The following PLIN2 variants were observed in gnomAD, a reference collection of about 807,000 sequenced individuals.
PLIN2 encodes the protein perilipin-2.
Under a neutral mutation model 30.6 loss-of-function variants are expected in PLIN2, and 33 were observed. That is an observed-to-expected ratio of 1.08 (90% CI 0.82 to 1.44). The LOEUF is 1.44. PLIN2 is among the 40% of genes most tolerant of loss of function. The pLI is 0.00. For synonymous variants in PLIN2, 205 were observed against 201.1 expected, an observed-to-expected ratio of 1.02 and a Z score of -0.16; for missense variants, 610 against 531.8, an observed-to-expected ratio of 1.15 and a Z score of -1.45.
intron 6 of PLIN2, among the ~76,000 whole-genome samples, chr9:19,118,806 C>T (rs1818269930): frequency 6.6e-6 from 1 of 152,170 alleles, no homozygotes; most frequent in Non-Finnish European, 1.5e-5. Context: ...CCTTCTCGTG[C>T]CTTAGCCTAC....
chr9:19,125,765 A>G (rs1265709501), intron 3 of PLIN2: 3 of 185,822 alleles, frequency 1.6e-5, no homozygotes, highest in South Asian at 2.4e-4. Context: ...TCTACTAAAA[A>G]TACAAAAATT....
At position 19,121,138 on chromosome 9, in the gene PLIN2, T is replaced by C. The variant is rs1388101101; in HGVS notation, c.337A>G (p.Thr113Ala). The C allele has an allele frequency of 6.2e-7, 1 of 1,614,082 alleles. No individual in the cohort carries two copies. The highest frequency in any genetic ancestry group is 1.7e-5 in the Admixed American group (1 of 60,012). The change falls in exon 5 of 8, where the codon ACT becomes GCT. Residue 113 changes from threonine to alanine, a missense_variant. By Grantham distance (58) the Thr-to-Ala change is moderately conservative. Coordinates refer to ENST00000276914, the MANE Select transcript of PLIN2 (RefSeq NM_001122.4). Reference sequence around the variant, plus strand: ...GTCGTCACAGCATCTTTTGCCCCAGTCACAGCGCCTTTGGCATTGGCAACA... The same window carrying C: ...GTCGTCACAGCATCTTTTGCCCCAGCCACAGCGCCTTTGGCATTGGCAACA... The part of the protein sequence containing the change: ...QIVANAKGAV[T>A]GAKDAVTTTV...
At chr9:19,109,337 G>A (rs780344637) in intron 2 of PLIN2, among the ~76,000 whole-genome samples, 3 of 151,824 alleles carry the variant, frequency 2.0e-5, no homozygotes, top group Non-Finnish European at 2.9e-5. Flanking sequence ...GGAGGATCAC[G>A]AGGTTGGGAG....
intron 5 of PLIN2, 68 bp downstream of exon 5, chr9:19,120,808 GAGTA>G: frequency 8.4e-7 from 1 of 1,195,072 alleles, no homozygotes; most frequent in Non-Finnish European, 1.2e-6. Context: ...CTCAAGATGA[GAGTA>G]TATGTCAATG....
rs2131176620 is a variant in PLIN2, at chr9:19,116,554, T to C, written c.1008A>G (p.Pro336=). 6.2e-7 allele frequency: 1 copy of C among 1,614,178 alleles called. No individual in the cohort carries two copies. The highest frequency in any genetic ancestry group is 8.5e-7 in the Non-Finnish European group (1 of 1,180,038). Residue 336 remains proline, a synonymous_variant, in exon 8 of 8, where the codon CCA becomes CCG. Coordinates refer to ENST00000276914, the MANE Select transcript of PLIN2 (RefSeq NM_001122.4). Reference sequence around the variant, plus strand: ...GCTTGGCTTGATCTTGGATGTTCTGTGGTACACCTTGGATGTTGGACAGGA... The same window carrying C: ...GCTTGGCTTGATCTTGGATGTTCTGCGGTACACCTTGGATGTTGGACAGGA... ...HTLLSNIQGV[P]QNIQDQAKHM...
intron 7 of PLIN2, among the ~76,000 whole-genome samples, chr9:19,116,851 T>A (rs535650997): frequency 6.6e-6 from 1 of 152,296 alleles, no homozygotes; most frequent in East Asian, 1.9e-4. Context: ...ATGGCTTCAG[T>A]TAACAACTGG....
downstream of PLIN2, chr9:19,115,708 G>C (rs1440449755): frequency 6.6e-6 from 1 of 152,620 alleles, no homozygotes; most frequent in African/African-American, 2.4e-5. Flanking sequence ...CTGTCATGCA[G>C]GTTAAGCAGC....
chr9:19,123,376 C>T, intron 4 of PLIN2, 189 bp downstream of exon 4: 1 of 1,551,174 alleles, frequency 6.4e-7, no homozygotes, highest in East Asian at 2.4e-5. Context: ...TAGTTCTTCT[C>T]TGCTTCGTAG....
chr9:19,121,768 C>G (rs186647333), intron 4 of PLIN2, among the ~76,000 whole-genome samples: 24 of 152,194 alleles, frequency 1.6e-4, no homozygotes, highest in Admixed American at 1.5e-3. Context: ...CCCGTCTCTA[C>G]TAAATACAAA....
chr9:19,121,111 T>C lies in PLIN2; in HGVS notation c.364A>G (p.Thr122Ala). 6.2e-7 allele frequency: 1 copy of C among 1,614,166 alleles called. No homozygotes were observed. Among genetic ancestry groups the C allele is most frequent in the South Asian group, 1.1e-5 (1 of 91,090 alleles). The change falls in exon 5 of 8, where the codon ACT (threonine) becomes GCT (alanine). Residue 122 changes from threonine (T) to alanine (A), a missense_variant. Physicochemically the swap from Thr to Ala is moderately conservative, Grantham distance 58. Coordinates refer to ENST00000276914, the MANE Select transcript of PLIN2 (RefSeq NM_001122.4). ...ACAGAATCCTTGGCCCCAGTCACAG[T>C]AGTCGTCACAGCATCTTTTGCCCCA... ...VTGAKDAVTTTVTGAKDSVAS... is the reference protein window; with the variant it reads ...VTGAKDAVTTAVTGAKDSVAS...
Position 19,116,234 on chromosome 9 carries a change from T to C in PLIN2, c.*14A>G. The C allele has an allele frequency of 6.4e-7, 1 of 1,553,596 alleles. No individual in the cohort carries two copies. The highest frequency in any genetic ancestry group is 1.2e-5 in the South Asian group (1 of 81,472). On this transcript the variant is annotated 3_prime_UTR_variant, in exon 8 of 8. Coordinates refer to ENST00000276914, the MANE Select transcript of PLIN2 (RefSeq NM_001122.4). The stretch of plus-strand genomic sequence containing the variant: ...TCTGTCTGGCCACAGCATGCACTAG[T>C]GATAGGGGCAGGTTTAATGAGTTTT...
At chr9:19,115,077 A>C (rs191357535), downstream of PLIN2, among the ~76,000 whole-genome samples, 3 of 152,284 alleles carry the variant, frequency 2.0e-5, no homozygotes, top group East Asian at 3.9e-4. Flanking sequence ...GATTTAAACA[A>C]TCACTCACTT....
intron 4 of PLIN2, among the ~76,000 whole-genome samples, chr9:19,121,671 C>T (rs1307641548): frequency 2.0e-5 from 3 of 152,156 alleles, no homozygotes; most frequent in African/African-American, 7.2e-5. Flanking sequence ...GTGGCTCATG[C>T]CTGTAATGCC....
At chr9:19,115,270 A>AT (rs796090271), downstream of PLIN2, among the ~76,000 whole-genome samples, 22 of 140,210 alleles carry the variant, frequency 1.6e-4, no homozygotes, top group Non-Finnish European at 2.5e-4. Flanking sequence ...CAAGCATCCT[A>AT]TTTTTTTTTA....
At position 19,125,821 on chromosome 9, in the gene PLIN2, G is replaced by C. The variant is rs1818386819; in HGVS notation, c.226+293C>G. On this transcript the variant is annotated intron_variant, in intron 3 of 7. Transcript: ENST00000276914. ...GCCTGTAGTCCCAGCTACTCGGGAG[G>C]CTGAGGCAGGAGAATCACTTGAACC... 4 of 250,726 alleles carry C rather than the reference G, an allele frequency of 1.6e-5. No homozygotes were observed. In the South Asian group the frequency reaches 3.3e-4, roughly 21 times the overall value. The allele number at this position is 250,726 out of a possible 1,614,324, so 15.5% of individuals were successfully genotyped here.
chr9:19,111,909 C>T (rs1405596948), downstream of PLIN2, among the ~76,000 whole-genome samples: 2 of 152,088 alleles, frequency 1.3e-5, no homozygotes, highest in African/African-American at 4.8e-5. Context: ...TTCATTAGTT[C>T]TTTAATACCT....
chr9:19,125,990 G>A, intron 3 of PLIN2, 124 bp downstream of exon 3: 1 of 686,220 alleles, frequency 1.5e-6, no homozygotes, highest in East Asian at 2.6e-5. Context: ...TCACCTGAAA[G>A]TTTCTAGGTA....
chr9:19,123,328 T>A, intron 4 of PLIN2: 1 of 1,545,504 alleles, frequency 6.5e-7, no homozygotes, highest in Non-Finnish European at 8.7e-7. Context: ...CACAAACTGA[T>A]AGACAACACA....
At chr9:19,122,108 C>CAA (rs59357707) in intron 4 of PLIN2, among the ~76,000 whole-genome samples, 7 of 63,352 alleles carry the variant, frequency 1.1e-4, no homozygotes, top group Admixed American at 2.4e-4. Context: ...GACTCTGTCT[C>CAA]AAAAAAAAAA....
Sources: allele counts gnomAD v4.1 joint callset (sites outside exome capture counted in the v4.1 genomes callset), GRCh38; gene constraint gnomAD v4.1.1; transcripts MANE v1.5; gene names NCBI Gene and HGNC (gene_info 2026-07-23, HGNC 2026-07-21).